SLC44A5: variants seen among roughly 807,000 people sequenced by gnomAD.
SLC44A5 encodes the protein choline transporter-like protein 5.
Under a neutral mutation model 101.8 loss-of-function variants are expected in SLC44A5, and 57 were observed. That is an observed-to-expected ratio of 0.56 (90% CI 0.45 to 0.70). The LOEUF (loss-of-function observed/expected upper bound fraction) is 0.70. SLC44A5 is among the 30% of genes least tolerant of loss of function. SLC44A5 has a pLI of 0.00. For synonymous variants in SLC44A5, 281 were observed against 290.9 expected, an observed-to-expected ratio of 0.97 and a Z score of 0.35; for missense variants, 737 against 853.1, an observed-to-expected ratio of 0.86 and a Z score of 1.70.
the SLC44A5 span, among the ~76,000 whole-genome samples, chr1:75,651,682 G>A: frequency 1.5e-5 from 2 of 134,638 alleles, no homozygotes; most frequent in African/African-American, 5.9e-5. Flanking sequence ...GGGCGACAGA[G>A]CGAGACTCTG....
chr1:75,456,075 C>A (rs192971934), intron 2 of SLC44A5, among the ~76,000 whole-genome samples: 1 of 152,220 alleles, frequency 6.6e-6, no homozygotes, highest in Non-Finnish European at 1.5e-5. Flanking sequence ...TTCACTGCAG[C>A]ATATTAATAA....
intron 5 of SLC44A5, among the ~76,000 whole-genome samples, chr1:75,281,635 GGCC>G (rs1227947712): frequency 5.7e-4 from 16 of 28,126 alleles, no homozygotes; most frequent in African/African-American, 1.7e-3. Context: ...GCTGGTGCCA[GGCC>G]CCCCCCCCCC....
intron 3 of SLC44A5, among the ~76,000 whole-genome samples, chr1:75,384,090 C>T (rs1167269655): frequency 5.9e-5 from 9 of 151,490 alleles, no homozygotes; most frequent in African/African-American, 1.5e-4. Flanking sequence ...CGGTACCAGC[C>T]GCTGCAAAAT....
At chr1:75,609,877 A>T (rs1427620796) in intron 1 of SLC44A5, among the ~76,000 whole-genome samples, 1 of 152,038 alleles carries the variant, frequency 6.6e-6, no homozygotes, top group Non-Finnish European at 1.5e-5. Context: ...TTAAGACAAG[A>T]GTAAGCATTT....
chr1:75,614,834 C>T (rs1228432944), upstream of SLC44A5, among the ~76,000 whole-genome samples: 2 of 152,276 alleles, frequency 1.3e-5, no homozygotes, highest in East Asian at 1.9e-4. Context: ...CCTTCCTCAC[C>T]GCGCATGGTG....
At chr1:75,410,392 T>C (rs1489889518) in intron 2 of SLC44A5, among the ~76,000 whole-genome samples, 1 of 151,990 alleles carries the variant, frequency 6.6e-6, no homozygotes. Context: ...ATCTTTTCAT[T>C]TGTGATAAAA....
chr1:75,388,748 C>CGG (rs1225387824), intron 3 of SLC44A5, among the ~76,000 whole-genome samples: 1 of 151,408 alleles, frequency 6.6e-6, no homozygotes, highest in African/African-American at 2.4e-5. Context: ...CACTGCACTC[C>CGG]AGCCTGGGCA....
intron 22 of SLC44A5, among the ~76,000 whole-genome samples, chr1:75,212,655 G>A (rs1465655994): frequency 1.3e-5 from 2 of 152,064 alleles, no homozygotes; most frequent in South Asian, 2.1e-4. Flanking sequence ...GTCAGTTTTA[G>A]TATCTTGTAC....
At chr1:75,683,923 TTA>T in the SLC44A5 span, among the ~76,000 whole-genome samples, 2 of 140,254 alleles carry the variant, frequency 1.4e-5, no homozygotes, top group Non-Finnish European at 3.2e-5. Flanking sequence ...GTAGCCATAT[TTA>T]TAGAAGACAA....
At chr1:75,355,430 C>G (rs1248096528) in intron 3 of SLC44A5, among the ~76,000 whole-genome samples, 3 of 152,186 alleles carry the variant, frequency 2.0e-5, no homozygotes, top group African/African-American at 7.2e-5. Flanking sequence ...AATCCATACA[C>G]TACCTATATC....
At chr1:75,245,752 C>T (rs1046018287) in intron 7 of SLC44A5, among the ~76,000 whole-genome samples, 1 of 152,106 alleles carries the variant, frequency 6.6e-6, no homozygotes, top group African/African-American at 2.4e-5. Context: ...CACATCAAAT[C>T]TCATTCTAGA....
chr1:75,341,988 C>G (rs1657920927), intron 3 of SLC44A5, among the ~76,000 whole-genome samples: 1 of 152,152 alleles, frequency 6.6e-6, no homozygotes, highest in South Asian at 2.1e-4. Context: ...AACCATTAAT[C>G]TATTTGATTT....
intron 14 of SLC44A5, among the ~76,000 whole-genome samples, chr1:75,221,266 G>A (rs1647074028): frequency 6.6e-6 from 1 of 152,042 alleles, no homozygotes. Context: ...TTGGTTCTTG[G>A]TCATTAACAA....
intron 9 of SLC44A5, among the ~76,000 whole-genome samples, chr1:75,240,478 T>C (rs569939627): frequency 9.0e-4 from 137 of 152,248 alleles, no homozygotes; most frequent in Non-Finnish European, 1.8e-3. Flanking sequence ...AAAGTGTACT[T>C]GTAAGGGCAG....
chr1:75,300,735 C>T, intron 4 of SLC44A5, 50 bp from the exon 5 acceptor site: 1 of 1,227,166 alleles, frequency 8.1e-7, no homozygotes, highest in African/African-American at 1.5e-5. Flanking sequence ...CAAATGACTT[C>T]CTGTTTCCTG....
chr1:75,559,318 G>A (rs211699), intron 1 of SLC44A5, among the ~76,000 whole-genome samples: 52,350 of 151,732 alleles, frequency 0.35, 9,695 homozygotes, highest in East Asian at 0.78. Context: ...ATACAAACAA[G>A]AGGAAAGCAG....
At chr1:75,217,840 A>G (rs775717776) in intron 18 of SLC44A5, 26 bp downstream of exon 18, 1 of 1,450,380 alleles carries the variant, frequency 6.9e-7, no homozygotes, top group Admixed American at 1.7e-5. Context: ...TTATCTTCAC[A>G]AAAGTCAGGA....
intron 4 of SLC44A5, among the ~76,000 whole-genome samples, chr1:75,335,146 C>T (rs1553162957): frequency 2.0e-5 from 3 of 152,210 alleles, no homozygotes; most frequent in Non-Finnish European, 2.9e-5. Flanking sequence ...AACATATCTG[C>T]CTAAACAATC....
At chr1:75,495,181 C>G (rs527528751) in intron 2 of SLC44A5, among the ~76,000 whole-genome samples, 1 of 152,132 alleles carries the variant, frequency 6.6e-6, no homozygotes, top group African/African-American at 2.4e-5. Flanking sequence ...ATAGGCCAGG[C>G]GCAGTGGCTC....
Sources: allele counts gnomAD v4.1 joint callset (sites outside exome capture counted in the v4.1 genomes callset), GRCh38; gene constraint gnomAD v4.1.1; transcripts MANE v1.5; gene names NCBI Gene and HGNC (gene_info 2026-07-23, HGNC 2026-07-21).